The following IQCH variants were observed in gnomAD, a reference collection of about 807,000 sequenced individuals.
IQCH encodes the protein IQ domain-containing protein H.
IQCH carries 98 observed loss-of-function variants against 117.0 expected under a neutral mutation model. The ratio of observed to expected loss-of-function variants is 0.84; its 90% confidence interval spans 0.71 to 0.99. The LOEUF is 0.99. IQCH is among the 50% of genes least tolerant of loss of function. IQCH has a pLI of 0.00. For missense variants in IQCH, 1,102 were observed against 1,243.8 expected (o/e 0.89, Z 1.72); for synonymous variants, 412 against 448.2 (o/e 0.92, Z 1.02).
intron 4 of IQCH, among the ~76,000 whole-genome samples, chr15:67,307,475 A>G (rs1157229125): frequency 7.1e-6 from 1 of 140,142 alleles, no homozygotes; most frequent in African/African-American, 2.6e-5. Context: ...TCAAATGATT[A>G]GAAGAAGCAC....
chr15:67,337,277 C>T (rs948821524), intron 5 of IQCH, among the ~76,000 whole-genome samples, 182 bp downstream of exon 5: 4 of 152,086 alleles, frequency 2.6e-5, no homozygotes, highest in African/African-American at 7.2e-5. Context: ...TTGGACAAGA[C>T]GATCACTAGA....
At chr15:67,400,498 T>TTCTTTTTTTTTTTC (rs1971616024) in intron 14 of IQCH, among the ~76,000 whole-genome samples, 193 bp downstream of exon 14, 1 of 137,300 alleles carries the variant, frequency 7.3e-6, no homozygotes, top group Admixed American at 7.7e-5. Flanking sequence ...TTTCTTTTTT[T>TTCTTTTTTTTTTTC]TTTTGAGATG....
chr15:67,416,289 G>A lies in IQCH; in HGVS notation c.2098-642G>A, dbSNP rs1005260551. 9.9e-5 allele frequency among the ~76,000 whole-genome samples: 15 copies of A among 152,078 alleles called. No individual in the cohort carries two copies. In the East Asian group the frequency reaches 1.2e-3, roughly 12 times the overall value. On this transcript the variant is annotated intron_variant, in intron 14 of 20. Transcript: ENST00000335894. This position sits in a 1 kb window ranked among gnomAD's most constrained non-coding sequence, Gnocchi z 5.1. ...TCCCAGCACTTTGGGAGGCCGAGGC[G>A]GGCGGATCACCTGAGGTCGGGAGTT...
At chr15:67,446,562 A>G (rs1400952531) in intron 16 of IQCH, among the ~76,000 whole-genome samples, 1 of 152,192 alleles carries the variant, frequency 6.6e-6, no homozygotes, top group Admixed American at 6.5e-5. Context: ...GGAGCTCAGC[A>G]GAGCAGAGGC....
intron 8 of IQCH, among the ~76,000 whole-genome samples, chr15:67,363,267 G>A (rs1487147256): frequency 2.3e-5 from 3 of 128,282 alleles, no homozygotes; most frequent in Non-Finnish European, 3.2e-5. Context: ...ATGGAGTCTT[G>A]CTCTCTCACC....
In IQCH at chr15:67,432,554, T is replaced by C. The variant is rs897849051; in HGVS notation, c.2505+10977T>C. 6.6e-6 allele frequency among the ~76,000 whole-genome samples: 1 copy of C among 152,142 alleles called. No homozygotes were observed. The highest frequency in any genetic ancestry group is 6.6e-5 in the Admixed American group (1 of 15,256). On this transcript the variant is annotated intron_variant, in intron 16 of 20. Coordinates refer to ENST00000335894, the MANE Select transcript of IQCH (RefSeq NM_001031715.3). The surrounding 1 kb of genome is among the most constrained non-coding windows in gnomAD (Gnocchi z 5.0). ...TATGTTCTGAGAGGCTAAGCAGATA[T>C]AAGGTGATGTTCTTATTAAATCAAA... is the stretch of plus-strand genomic sequence containing the variant.
chr15:67,492,666 C>A (rs1166406526), intron 19 of IQCH, among the ~76,000 whole-genome samples: 8 of 152,096 alleles, frequency 5.3e-5, no homozygotes. Flanking sequence ...GCAGCAGAGC[C>A]CAGCAGAGGC....
Position 67,447,818 on chromosome 15 carries a change from T to G in IQCH, c.2506-17309T>G, listed in dbSNP as rs2082424149. Among the ~76,000 whole-genome samples, 1 of 152,182 alleles carries G rather than the reference T, an allele frequency of 6.6e-6. No homozygotes were observed. Among genetic ancestry groups the G allele is most frequent in the Non-Finnish European group, 1.5e-5 (1 of 68,036 alleles). ...TGCTGTGGTGAGTCCAAGCAACAGCTTGCGTTTTAGAAAGTGGCACTGTCC... is the reference window on the plus strand; with the variant it reads ...TGCTGTGGTGAGTCCAAGCAACAGCGTGCGTTTTAGAAAGTGGCACTGTCC... On this transcript the variant is annotated intron_variant, in intron 16 of 20. Coordinates refer to ENST00000335894, the MANE Select transcript of IQCH (RefSeq NM_001031715.3). This position sits in a 1 kb window ranked among gnomAD's most constrained non-coding sequence, Gnocchi z 5.3.
In IQCH at chr15:67,494,286, C is replaced by T; in HGVS notation, c.2890C>T (p.Leu964Phe). Residue 964 changes from leucine (L) to phenylalanine (F), a missense_variant, in exon 20 of 21, where the codon CTC becomes TTC. Around this residue, in one of 2 missense-constraint regions of IQCH, gnomAD observed 650 missense variants for 794.3 expected, o/e 0.82. Coordinates refer to ENST00000335894, the MANE Select transcript of IQCH (RefSeq NM_001031715.3). This position sits in a 1 kb window ranked among gnomAD's most constrained non-coding sequence, Gnocchi z 5.5. ...AATCGGCGAGGATCTCCAGGGGGTC[C>T]TCATGACCTTTGCTCGCCATCTCTT... ...LTIGEDLQGV[L>F]MTFARHLFII... is the part of the protein sequence containing the mutation. 6.2e-7 allele frequency: 1 copy of T among 1,612,334 alleles called. No individual in the cohort carries two copies. The highest frequency in any genetic ancestry group is 8.5e-7 in the Non-Finnish European group (1 of 1,179,558).
rs2140953228 is a variant in IQCH at position 67,436,054 on chromosome 15, A to G, written c.2505+14477A>G. On this transcript the variant is annotated intron_variant, in intron 16 of 20. Transcript: ENST00000335894. The surrounding 1 kb of genome is among the most constrained non-coding windows in gnomAD (Gnocchi z 5.1). ...TTGCTTTAGGCTTTACCTATTTCTT[A>G]AGACAATACTCAATCACCCCCTCCC... Among the ~76,000 whole-genome samples, 1 of 152,236 alleles carries G rather than the reference A, an allele frequency of 6.6e-6. No homozygotes were observed. Among genetic ancestry groups the G allele is most frequent in the African/African-American group, 2.4e-5 (1 of 41,544 alleles).
chr15:67,258,199 T>TC (rs1208890438), intron 1 of IQCH, among the ~76,000 whole-genome samples: 1 of 137,264 alleles, frequency 7.3e-6, no homozygotes, highest in Non-Finnish European at 1.5e-5. Flanking sequence ...ACCAGTACAC[T>TC]CCAACACAGC....
intron 4 of IQCH, among the ~76,000 whole-genome samples, chr15:67,292,173 T>C (rs557822567): frequency 5.1e-4 from 77 of 152,256 alleles, no homozygotes; most frequent in African/African-American, 1.8e-3. Context: ...CACCAAACAC[T>C]GAATCTACCA....
chr15:67,315,260 T>C (rs1162988777), intron 4 of IQCH, among the ~76,000 whole-genome samples: 1 of 152,190 alleles, frequency 6.6e-6, no homozygotes, highest in Non-Finnish European at 1.5e-5. Context: ...GGCTGCTTAG[T>C]GAACAGGGAA....
chr15:67,309,048 G>T (rs1212877274), intron 4 of IQCH, among the ~76,000 whole-genome samples: 1 of 152,056 alleles, frequency 6.6e-6, no homozygotes, highest in East Asian at 1.9e-4. Flanking sequence ...AGACTGCCTG[G>T]TGTGAATCCT....
intron 16 of IQCH, among the ~76,000 whole-genome samples, chr15:67,441,964 A>C (rs1348158026): frequency 6.6e-6 from 1 of 152,218 alleles, no homozygotes; most frequent in Non-Finnish European, 1.5e-5. Flanking sequence ...GAGTGGGAGA[A>C]AGTCTTTGCC....
In IQCH at chr15:67,465,045, T is replaced by G; in HGVS notation, c.2506-82T>G. 2 of 1,311,554 alleles carry G rather than the reference T, an allele frequency of 1.5e-6. No individual in the cohort carries two copies. The highest frequency in any genetic ancestry group is 2.2e-6 in the Non-Finnish European group (2 of 929,980). The allele number at this position is 1,311,554 out of a possible 1,614,324, so 81.2% of individuals were successfully genotyped here. A position where few individuals can be genotyped will look rare whatever the true frequency, so the allele number is the denominator to read the frequency against. Reference sequence around the variant, plus strand: ...ACTGGTTTCACTTAGTCTGATGTAGTTTGGTCTGGTTAGGCAGAGGTGGGG... The same window carrying G: ...ACTGGTTTCACTTAGTCTGATGTAGGTTGGTCTGGTTAGGCAGAGGTGGGG... On this transcript the variant is annotated intron_variant, in intron 16 of 20. Transcript: ENST00000335894. This position sits in a 1 kb window ranked among gnomAD's most constrained non-coding sequence, Gnocchi z 5.9.
chr15:67,451,531 G>A (rs1199017980), intron 16 of IQCH, among the ~76,000 whole-genome samples: 1 of 152,130 alleles, frequency 6.6e-6, no homozygotes, highest in Admixed American at 6.5e-5. Flanking sequence ...TAGTTGAGTG[G>A]TTTTGAGTGA....
At chr15:67,281,900 G>A in intron 4 of IQCH, 2 of 385,604 alleles carry the variant, frequency 5.2e-6, no homozygotes, top group South Asian at 1.9e-5. Flanking sequence ...ATCAGTTCAG[G>A]CTCCTGTGAA....
intron 4 of IQCH, chr15:67,304,568 T>G (rs1419376312): frequency 2.0e-6 from 1 of 495,422 alleles, no homozygotes; most frequent in Non-Finnish European, 3.5e-6. Context: ...CCTTTTGTCT[T>G]TGGAATTTTT....
Sources: gnomAD v4.1 joint callset for allele counts (sites outside exome capture counted in the v4.1 genomes callset) on GRCh38, gnomAD v4.1.1 for gene constraint, gnomAD v4.1.1 regional missense constraint, Gnocchi (gnomAD v3.1) non-coding constraint, MANE v1.5 for transcripts, NCBI Gene and HGNC (gene_info 2026-07-23, HGNC 2026-07-21) for gene names.